BIN2: variants seen among roughly 807,000 people sequenced by gnomAD.
The protein encoded by BIN2 is bridging integrator 2.
In BIN2, 43 loss-of-function variants were observed where a neutral mutation model predicts 67.9. That is an observed-to-expected ratio of 0.63 (90% CI 0.50 to 0.82). The LOEUF (loss-of-function observed/expected upper bound fraction) is 0.82, where lower values mean the gene tolerates loss of function less well. Among genes scored for constraint, BIN2 ranks in the 40% least tolerant of loss-of-function variants. The pLI is 0.00. For missense variants in BIN2, 581 were observed against 671.6 expected, an observed-to-expected ratio of 0.87 and a Z score of 1.49; for synonymous variants, 244 against 246.8, an observed-to-expected ratio of 0.99 and a Z score of 0.11.
chr12:51,292,120 C>G lies in BIN2; in HGVS notation c.986G>C (p.Ser329Thr). ...EEIEKEGSEA[S>T]SSEEDEPLPA... ...TAGAGGCTCATCTTCCTCAGAGGAG[C>G]TTGCTTCAGATCCTTCCTTCTCTAT... is the stretch of plus-strand genomic sequence containing the variant. Residue 329 changes from serine (S) to threonine (T), a missense_variant, in exon 10 of 13, where the codon AGC (serine) becomes ACC (threonine). Transcript: ENST00000615107. The G allele has an allele frequency of 1.2e-6, 2 of 1,614,116 alleles. No homozygotes were observed. Among genetic ancestry groups the G allele is most frequent in the Non-Finnish European group, 1.7e-6 (2 of 1,180,030 alleles).
chr12:51,287,194 C>T (rs1312519566), intron 11 of BIN2, among the ~76,000 whole-genome samples: 1 of 152,076 alleles, frequency 6.6e-6, no homozygotes, highest in Non-Finnish European at 1.5e-5. Context: ...AGCTGGAGTG[C>T]AGTGGCTATT....
At chr12:51,318,632 T>C (rs1946191378) in intron 1 of BIN2, among the ~76,000 whole-genome samples, 1 of 152,192 alleles carries the variant, frequency 6.6e-6, no homozygotes, top group African/African-American at 2.4e-5. Flanking sequence ...TCAAGCATTC[T>C]GGAGTTAGAC....
Position 51,281,488 on chromosome 12 carries a change from G to A in BIN2, c.*11C>T, listed in dbSNP as rs1945118914. On this transcript the variant is annotated 3_prime_UTR_variant, in exon 13 of 13. Transcript: ENST00000615107. ...GAGGTTTGGGGCAGGAGGAGTCTTG[G>A]TAGTTTCTCTTCAGAGTTGTGGATT... is the stretch of plus-strand genomic sequence containing the variant. 6.2e-7 allele frequency: 1 copy of A among 1,613,762 alleles called. No individual in the cohort carries two copies.
At chr12:51,312,572 CATA>C (rs1210458850) in intron 2 of BIN2, among the ~76,000 whole-genome samples, 1 of 152,098 alleles carries the variant, frequency 6.6e-6, no homozygotes, top group Admixed American at 6.6e-5. Flanking sequence ...GAATTTGTTT[CATA>C]ATAATCAAGG....
chr12:51,295,621 T>G (rs1367468465), intron 9 of BIN2, among the ~76,000 whole-genome samples, 175 bp downstream of exon 9: 2 of 87,502 alleles, frequency 2.3e-5, no homozygotes, highest in Non-Finnish European at 4.6e-5. Context: ...TATATATATA[T>G]ATATATATAT....
chr12:51,284,337 CATA>C (rs2137334289), intron 12 of BIN2, among the ~76,000 whole-genome samples: 1 of 152,260 alleles, frequency 6.6e-6, no homozygotes, highest in East Asian at 1.9e-4. Context: ...TACAGCCACA[CATA>C]ATGACAAAAT....
At position 51,303,255 on chromosome 12, in the gene BIN2, A is replaced by C. The variant is rs571280539; in HGVS notation, c.163-114T>G. On this transcript the variant is annotated intron_variant, in intron 2 of 12. Transcript: ENST00000615107. ...AGAAATCACACCTGGAATTTCTCTAAATATTCACAATTGTTATAAGTCAGC... is the reference window on the plus strand; with the variant it reads ...AGAAATCACACCTGGAATTTCTCTACATATTCACAATTGTTATAAGTCAGC... The C allele has an allele frequency of 4.5e-5, 47 of 1,039,874 alleles. No individual in the cohort carries two copies. The African/African-American group carries it at 7.3e-4, about 16-fold the overall frequency. The allele number at this position is 1,039,874 out of a possible 1,614,324, so 64.4% of individuals were successfully genotyped here.
intron 1 of BIN2, among the ~76,000 whole-genome samples, chr12:51,314,435 A>G (rs12322804): frequency 0.052 from 7,950 of 152,182 alleles, 663 homozygotes; most frequent in East Asian, 0.28. Context: ...TTCTTTTCAA[A>G]TTAGGGGTAG....
chr12:51,306,503 A>G (rs977082278), intron 2 of BIN2, among the ~76,000 whole-genome samples: 1 of 152,128 alleles, frequency 6.6e-6, no homozygotes, highest in Non-Finnish European at 1.5e-5. Context: ...GGTGGGTGCC[A>G]GTAATCCCAA....
In BIN2 at chr12:51,281,233, T is replaced by C. The variant is rs1292089366; in HGVS notation, c.*266A>G. ...GTGATTAAAGCTCCACTTTAGTTAA[T>C]GTATAAAGTCTTATTCTAATAATGC... On this transcript the variant is annotated 3_prime_UTR_variant, in exon 13 of 13. Transcript: ENST00000615107. The C allele has an allele frequency of 6.1e-6, 3 of 495,600 alleles. No homozygotes were observed. Among genetic ancestry groups the C allele is most frequent in the Non-Finnish European group, 7.3e-6 (2 of 275,368 alleles). 30.7% of individuals were successfully genotyped at this position (495,600 alleles called of 1,614,324 possible).
intron 8 of BIN2, 83 bp from the exon 9 acceptor site, chr12:51,295,961 G>T: frequency 9.1e-7 from 1 of 1,102,322 alleles, no homozygotes; most frequent in Non-Finnish European, 1.4e-6. Flanking sequence ...CCTTCAGACA[G>T]CTTCCCAAAA....
chr12:51,295,181 G>C (rs184796849), intron 9 of BIN2, among the ~76,000 whole-genome samples: 4 of 152,018 alleles, frequency 2.6e-5, no homozygotes, highest in African/African-American at 9.6e-5. Flanking sequence ...CTGATCTCAA[G>C]TAATTCTCCT....
chr12:51,290,305 A>G (rs1945349154), intron 10 of BIN2, among the ~76,000 whole-genome samples: 1 of 150,802 alleles, frequency 6.6e-6, no homozygotes, highest in South Asian at 2.1e-4. Flanking sequence ...TTGTATTTTT[A>G]ATGGAGACAG....
At chr12:51,301,932 C>G in intron 5 of BIN2, 88 bp downstream of exon 5, 1 of 926,052 alleles carries the variant, frequency 1.1e-6, no homozygotes. Flanking sequence ...ATCGTGAGTT[C>G]TAATTCTACT....
rs550457703 is a variant in BIN2 at position 51,283,304 on chromosome 12, A to C, written c.1668+1412T>G. Among the ~76,000 whole-genome samples, 6 of 151,806 alleles carry C rather than the reference A, an allele frequency of 4.0e-5. No homozygotes were observed. In the East Asian group the frequency reaches 1.2e-3, roughly 30 times the overall value. On this transcript the variant is annotated intron_variant, in intron 12 of 12. Transcript: ENST00000615107. The stretch of plus-strand genomic sequence containing the variant: ...AAAAAGTTCTGCTTATTTAAAAAAA[A>C]CATTAACTGTAAAACAGCCTCAAGT...
intron 2 of BIN2, 53 bp from the exon 3 acceptor site, chr12:51,303,194 G>C: frequency 6.4e-7 from 1 of 1,574,306 alleles, no homozygotes; most frequent in Non-Finnish European, 8.7e-7. Context: ...TTCAAAAGAT[G>C]CTCCAGAGGT....
intron 10 of BIN2, among the ~76,000 whole-genome samples, chr12:51,291,071 C>T (rs1430172594): frequency 2.6e-5 from 4 of 152,122 alleles, no homozygotes; most frequent in Admixed American, 2.6e-4. Context: ...ATCACTTGAA[C>T]CCAGGAGGCA....
chr12:51,291,820 G>A lies in BIN2; in HGVS notation c.1286C>T (p.Ser429Phe). ...AGGGCTGGAAGGTATGTTCCCTGAG[G>A]AGGGCCTGGGGCTTGCAGTGGCTCT... is the stretch of plus-strand genomic sequence containing the variant. Reference protein sequence around the residue: ...PPRATASPRPSSGNIPSSPTA... With the variant: ...PPRATASPRPFSGNIPSSPTA... The change falls in exon 10 of 13, where the codon TCC becomes TTC. Residue 429 changes from serine to phenylalanine, a missense_variant. Physicochemically the swap from Ser to Phe is radical, Grantham distance 155. Coordinates refer to ENST00000615107, the MANE Select transcript of BIN2 (RefSeq NM_016293.4). The A allele has an allele frequency of 1.2e-6, 2 of 1,614,034 alleles. No individual in the cohort carries two copies. Among genetic ancestry groups the A allele is most frequent in the Non-Finnish European group, 1.7e-6 (2 of 1,179,974 alleles).
chr12:51,300,986 C>T (rs970904466), intron 5 of BIN2, among the ~76,000 whole-genome samples: 1 of 152,054 alleles, frequency 6.6e-6, no homozygotes, highest in Non-Finnish European at 1.5e-5. Flanking sequence ...TTTGGGAGGC[C>T]GTGGGCGGAT....
Sources: gnomAD v4.1 joint callset for allele counts (sites outside exome capture counted in the v4.1 genomes callset) on GRCh38, gnomAD v4.1.1 for gene constraint, MANE v1.5 for transcripts, NCBI Gene and HGNC (gene_info 2026-07-23, HGNC 2026-07-21) for gene names.